The following PDGFD variants were observed in gnomAD, a reference collection of about 807,000 sequenced individuals.
PDGFD encodes the protein platelet derived growth factor D, also known as platelet-derived growth factor D.
Under a neutral mutation model 44.7 loss-of-function variants are expected in PDGFD, and 30 were observed. The observed-to-expected ratio is 0.67, with a 90% confidence interval of 0.50 to 0.91. The LOEUF (loss-of-function observed/expected upper bound fraction) is 0.91, where lower values mean the gene tolerates loss of function less well. PDGFD is among the 40% of genes least tolerant of loss of function. The pLI, the probability that PDGFD is intolerant of heterozygous loss-of-function variation, is 0.00. For missense variants in PDGFD, 445 were observed against 457.8 expected, an observed-to-expected ratio of 0.97 and a Z score of 0.25; for synonymous variants, 173 against 168.4, an observed-to-expected ratio of 1.03 and a Z score of -0.21.
chr11:103,919,191 C>T (rs1365627816), intron 6 of PDGFD, among the ~76,000 whole-genome samples: 1 of 152,164 alleles, frequency 6.6e-6, no homozygotes, highest in African/African-American at 2.4e-5. Context: ...GGGTTTCATA[C>T]CACCATACAA....
chr11:104,029,755 T>C (rs1265444853), intron 1 of PDGFD, among the ~76,000 whole-genome samples: 1 of 152,210 alleles, frequency 6.6e-6, no homozygotes, highest in Non-Finnish European at 1.5e-5. Flanking sequence ...CTGCATGCTA[T>C]TACTCTGTAC....
At chr11:104,105,565 C>T (rs488753) in intron 1 of PDGFD, among the ~76,000 whole-genome samples, 91,524 of 151,756 alleles carry the variant, frequency 0.6, 28,125 homozygotes, top group East Asian at 0.81. Context: ...ATTTAAACCA[C>T]CTGGTTGTAT....
At chr11:103,923,356 T>C (rs1030321634) in intron 6 of PDGFD, among the ~76,000 whole-genome samples, 6 of 152,158 alleles carry the variant, frequency 3.9e-5, no homozygotes, top group Non-Finnish European at 8.8e-5. Flanking sequence ...GGACAACTAA[T>C]ATGACCTGTG....
At chr11:104,153,378 T>C (rs879425523) in intron 1 of PDGFD, among the ~76,000 whole-genome samples, 2 of 152,184 alleles carry the variant, frequency 1.3e-5, no homozygotes, top group Non-Finnish European at 2.9e-5. Flanking sequence ...TGTTCAGCTG[T>C]ATTAAATACA....
At chr11:104,158,615 G>A (rs575625841) in intron 1 of PDGFD, among the ~76,000 whole-genome samples, 7 of 152,072 alleles carry the variant, frequency 4.6e-5, no homozygotes, top group Non-Finnish European at 7.4e-5. Context: ...AGCGGATCAC[G>A]AGGTCAGGAG....
intron 1 of PDGFD, among the ~76,000 whole-genome samples, chr11:104,068,142 A>T (rs1157560800): frequency 6.6e-6 from 1 of 152,104 alleles, no homozygotes; most frequent in Non-Finnish European, 1.5e-5. Flanking sequence ...AATAATGGCA[A>T]CCCTGTGCTT....
At chr11:104,109,774 A>T (rs1056709859) in intron 1 of PDGFD, among the ~76,000 whole-genome samples, 1 of 147,312 alleles carries the variant, frequency 6.8e-6, no homozygotes, top group Admixed American at 6.8e-5. Context: ...TCATTAAGTT[A>T]AAAAAAAAAG....
At chr11:104,036,783 C>T (rs2134394460) in intron 1 of PDGFD, 1 of 1,542,028 alleles carries the variant, frequency 6.5e-7, no homozygotes, top group Non-Finnish European at 8.9e-7. Context: ...CAGTGAGCCG[C>T]CCATGCCCTC....
Position 103,908,938 on chromosome 11 carries a change from T to C in PDGFD, c.*756A>G, listed in dbSNP as rs1857984103. ...TTTGTAGGACTATAATAAAAAACCT[T>C]CTAAGTAAGTTTTTGAGATAGGTGT... On this transcript the variant is annotated 3_prime_UTR_variant, in exon 7 of 7. Transcript: ENST00000393158. 1 of 152,198 alleles carries C rather than the reference T, an allele frequency of 6.6e-6. No homozygotes were observed. Among genetic ancestry groups the C allele is most frequent in the African/African-American group, 2.4e-5 (1 of 41,458 alleles). 9.4% of individuals were successfully genotyped at this position (152,198 alleles called of 1,614,324 possible).
intron 1 of PDGFD, among the ~76,000 whole-genome samples, chr11:104,010,208 G>A (rs1859762659): frequency 6.6e-6 from 1 of 151,020 alleles, no homozygotes; most frequent in African/African-American, 2.4e-5. Context: ...AAACATTAGA[G>A]CTCTTTTTGG....
intron 1 of PDGFD, 121 bp from the exon 2 acceptor site, chr11:104,000,376 T>C: frequency 1.1e-6 from 1 of 892,112 alleles, no homozygotes; most frequent in Non-Finnish European, 1.7e-6. Context: ...CCTAAAAACA[T>C]TAAGTCTAAA....
chr11:103,924,685 T>C (rs1858276400), intron 6 of PDGFD, among the ~76,000 whole-genome samples: 1 of 152,210 alleles, frequency 6.6e-6, no homozygotes, highest in African/African-American at 2.4e-5. Context: ...ACGATTTTTG[T>C]GTTGTTTTCA....
chr11:104,122,066 C>G (rs948651147), intron 1 of PDGFD, among the ~76,000 whole-genome samples: 5 of 151,862 alleles, frequency 3.3e-5, no homozygotes, highest in Admixed American at 3.3e-4. Context: ...TAAAAGAGTC[C>G]TTAGCAGAGT....
intron 1 of PDGFD, among the ~76,000 whole-genome samples, chr11:104,014,709 G>A (rs892888066): frequency 2.6e-5 from 4 of 152,100 alleles, no homozygotes; most frequent in African/African-American, 9.7e-5. Context: ...GCATCTTCGA[G>A]GTCTACTGTG....
At position 103,909,674 on chromosome 11, in the gene PDGFD, G is replaced by A. The variant is rs2134296461; in HGVS notation, c.*20C>T. ...AACTAAAGGTTCTTTCAGGCTTAAT[G>A]TAAGGATGTGCACATTCTCTTATCG... On this transcript the variant is annotated 3_prime_UTR_variant, in exon 7 of 7. Coordinates refer to ENST00000393158, the MANE Select transcript of PDGFD (RefSeq NM_025208.5). The A allele has an allele frequency of 6.2e-7, 1 of 1,613,760 alleles. No homozygotes were observed. Among genetic ancestry groups the A allele is most frequent in the South Asian group, 1.1e-5 (1 of 91,070 alleles).
Position 104,161,950 on chromosome 11 carries a change from A to AGAGAGAGAGTGTGT in PDGFD, c.124+1853_124+1854insACACACTCTCTCTC, listed in dbSNP as rs142168784. 6.0e-5 allele frequency among the ~76,000 whole-genome samples: 9 copies of AGAGAGAGAGTGTGT among 149,016 alleles called. 1 individual carries two copies. In the South Asian group the frequency reaches 1.9e-3, roughly 32 times the overall value. On this transcript the variant is annotated intron_variant, in intron 1 of 6. Coordinates refer to ENST00000393158, the MANE Select transcript of PDGFD (RefSeq NM_025208.5). The stretch of plus-strand genomic sequence containing the variant: ...TGAGCAATCAGAACTAATCAAAGAG[A>AGAGAGAGAGTGTGT]GTGTGTGTGTGTGTGTGTGTGTGTG...
intron 3 of PDGFD, among the ~76,000 whole-genome samples, chr11:103,956,438 C>T (rs1311244303): frequency 8.7e-6 from 1 of 114,366 alleles, no homozygotes; most frequent in Admixed American, 7.6e-5. Context: ...ATATGTGCCA[C>T]ATTTTCTTAA....
chr11:103,980,188 G>A (rs1398195902), intron 3 of PDGFD, among the ~76,000 whole-genome samples: 1 of 151,946 alleles, frequency 6.6e-6, no homozygotes, highest in Non-Finnish European at 1.5e-5. Context: ...TAAAAAATCT[G>A]TTTTTAGCAT....
At chr11:104,161,949 G>C (rs1862393934) in intron 1 of PDGFD, among the ~76,000 whole-genome samples, 1 of 135,358 alleles carries the variant, frequency 7.4e-6, no homozygotes, top group Non-Finnish European at 1.6e-5. Context: ...TAATCAAAGA[G>C]AGTGTGTGTG....
Sources: allele counts gnomAD v4.1 joint callset (sites outside exome capture counted in the v4.1 genomes callset), GRCh38; gene constraint gnomAD v4.1.1; transcripts MANE v1.5; gene names NCBI Gene and HGNC (gene_info 2026-07-23, HGNC 2026-07-21).